RAG1: variants seen among roughly 807,000 people sequenced by gnomAD.
The protein encoded by RAG1 is V(D)J recombination-activating protein 1.
Under a neutral mutation model 62.7 loss-of-function variants are expected in RAG1, and 35 were observed. The ratio of observed to expected loss-of-function variants is 0.56; its 90% CI spans 0.43 to 0.74. The LOEUF is 0.74. RAG1 is among the 30% of genes least tolerant of loss of function. The pLI, the probability that RAG1 is intolerant of heterozygous loss-of-function variation, is 0.00. For missense variants in RAG1, 1,169 were observed against 1,278.6 expected, an observed-to-expected ratio of 0.91 and a Z score of 1.31; for synonymous variants, 461 against 470.3, an observed-to-expected ratio of 0.98 and a Z score of 0.26.
downstream of RAG1, among the ~76,000 whole-genome samples, chr11:36,536,884 G>T (rs1860337793): frequency 6.7e-6 from 1 of 149,392 alleles, no homozygotes; most frequent in Non-Finnish European, 1.5e-5. Flanking sequence ...TCAGCCTCCC[G>T]AGTAGCTGGG....
Position 36,574,334 on chromosome 11 carries a change from G to T in RAG1, c.1030G>T (p.Val344Leu), listed in dbSNP as rs1056909211. Residue 344 changes from valine to leucine, a missense_variant, in exon 2 of 2, where the codon GTG (valine) becomes TTG (leucine). Around this residue, in one of 2 missense-constraint regions of RAG1, gnomAD observed 800 missense variants for 943.3 expected, o/e 0.85. Transcript: ENST00000299440. The stretch of plus-strand genomic sequence containing the variant: ...CTTCCCTACTGACCTGGAGAGTCCA[G>T]TGAAGTCCTTTCTGAGCGTCTTGAA... ...PCFPTDLESP[V>L]KSFLSVLNSL... The T allele has an allele frequency of 6.2e-7, 1 of 1,614,114 alleles. No homozygotes were observed. Among genetic ancestry groups the T allele is most frequent in the Non-Finnish European group, 8.5e-7 (1 of 1,180,050 alleles).
rs1255413110 is a variant in RAG1 at position 36,549,778 on chromosome 11, G to A, written c.-411-13607G>A. On this transcript the variant is annotated intron_variant and NMD_transcript_variant, in intron 3 of 9. Coordinates refer to the RAG1 transcript ENST00000534663. ...CTCATTACTGAGTATATGCCCAAAGGATTTATAAATCATGCTACTGTAAAG... is the reference window on the plus strand; with the variant it reads ...CTCATTACTGAGTATATGCCCAAAGAATTTATAAATCATGCTACTGTAAAG... Among the ~76,000 whole-genome samples the A allele has an allele frequency of 3.3e-5, 5 of 152,082 alleles. No individual in the cohort carries two copies. The East Asian group carries it at 9.6e-4, about 29-fold the overall frequency.
At chr11:36,551,604 T>A (rs960807228) in intron 3 of RAG1, among the ~76,000 whole-genome samples, 18 of 103,828 alleles carry the variant, frequency 1.7e-4, no homozygotes, top group African/African-American at 6.3e-4. Flanking sequence ...ATTACTTCTT[T>A]TTTTTTTTTT....
In RAG1 at chr11:36,574,232, C is replaced by G; in HGVS notation, c.928C>G (p.His310Asp). ...TGACCCTGTGGAGACCAACTGTAAG[C>G]ATGTCTTTTGCCGGGTCTGCATTCT... ...LADPVETNCK[H>D]VFCRVCILRC... is the part of the protein sequence containing the mutation. Residue 310 changes from histidine to aspartate, a missense_variant, in exon 2 of 2, where the codon CAT becomes GAT. Coordinates refer to ENST00000299440, the MANE Select transcript of RAG1 (RefSeq NM_000448.3). The G allele has an allele frequency of 6.2e-7, 1 of 1,614,164 alleles. No homozygotes were observed. The highest frequency in any genetic ancestry group is 1.1e-5 in the South Asian group (1 of 91,068).
At chr11:36,541,624 C>CTAGGG (rs1370591338) in intron 3 of RAG1, among the ~76,000 whole-genome samples, 10 of 152,168 alleles carry the variant, frequency 6.6e-5, no homozygotes. Context: ...ACAGGAAATA[C>CTAGGG]TAGGCCCTTG....
Position 36,548,128 on chromosome 11 carries a change from A to G in RAG1, c.-412+12094A>G, listed in dbSNP as rs566902653. 7.9e-5 allele frequency among the ~76,000 whole-genome samples: 12 copies of G among 152,324 alleles called. No individual in the cohort carries two copies. The South Asian group carries it at 2.5e-3, about 32-fold the overall frequency. ...TAGGTATTGATGGAATGTATCTCAA[A>G]GTAATAAGAGCTATTTATGACAAAC... is the stretch of plus-strand genomic sequence containing the variant. On this transcript the variant is annotated intron_variant and NMD_transcript_variant, in intron 3 of 9. Transcript: ENST00000534663.
intron 1 of RAG1, among the ~76,000 whole-genome samples, chr11:36,569,087 G>A (rs922581553): frequency 6.6e-6 from 1 of 152,174 alleles, no homozygotes; most frequent in East Asian, 1.9e-4. Flanking sequence ...AAGTAACGGG[G>A]TGTATGTGTG....
chr11:36,518,013 G>A (rs1043541697), intron 1 of RAG1, among the ~76,000 whole-genome samples: 8 of 111,500 alleles, frequency 7.2e-5, no homozygotes, highest in East Asian at 2.7e-4. Context: ...AACAGTTCCC[G>A]GTGTGTGATG....
chr11:36,511,975 C>T (rs1237884692), intron 1 of RAG1, among the ~76,000 whole-genome samples: 2 of 152,184 alleles, frequency 1.3e-5, no homozygotes, highest in African/African-American at 4.8e-5. Context: ...GTGAGAGACT[C>T]CAGCACCAGG....
chr11:36,514,082 G>A (rs949550947), intron 1 of RAG1, among the ~76,000 whole-genome samples: 4 of 152,182 alleles, frequency 2.6e-5, no homozygotes, highest in African/African-American at 7.2e-5. Context: ...GGACACCCAA[G>A]TAGCCCTTTA....
upstream of RAG1, chr11:36,563,464 A>T (rs1022941473): frequency 6.6e-6 from 1 of 151,852 alleles, no homozygotes; most frequent in Non-Finnish European, 1.5e-5. Context: ...CAGCTTGAAG[A>T]CAGCAGATTG....
rs922541917 is a variant in RAG1 at position 36,575,508 on chromosome 11, C to T, written c.2204C>T (p.Ala735Val). ...GSVYICTLCD[A>V]TRLEASQNLV... is the part of the protein sequence containing the mutation. The stretch of plus-strand genomic sequence containing the variant: ...GTCTACATTTGTACTCTTTGTGATG[C>T]CACCCGTCTGGAAGCCTCTCAAAAT... The change falls in exon 2 of 2, where the codon GCC becomes GTC. Residue 735 changes from alanine (A) to valine (V), a missense_variant. Ala to Val is a moderately conservative substitution (Grantham distance 64). Around this residue, in one of 2 missense-constraint regions of RAG1, gnomAD observed 800 missense variants for 943.3 expected, o/e 0.85. Coordinates refer to ENST00000299440, the MANE Select transcript of RAG1 (RefSeq NM_000448.3). The surrounding 1 kb of genome is among the most constrained non-coding windows in gnomAD (Gnocchi z 4.1). 3.0e-5 allele frequency: 48 copies of T among 1,614,076 alleles called. No individual in the cohort carries two copies. Among genetic ancestry groups the T allele is most frequent in the East Asian group, 1.6e-4 (7 of 44,890 alleles).
chr11:36,573,693 A>G lies in RAG1; in HGVS notation c.389A>G (p.His130Arg), dbSNP rs1458428343. 3 of 1,614,150 alleles carry G rather than the reference A, an allele frequency of 1.9e-6. No individual in the cohort carries two copies. In the Admixed American group the frequency reaches 5.0e-5, roughly 27 times the overall value. ...ADEHNRRYPV[H>R]GPVDGKTLGL... ...GAGCACAACAGGAGATATCCAGTCCATGGTCCTGTGGATGGTAAAACCCTA... is the reference window on the plus strand; with the variant it reads ...GAGCACAACAGGAGATATCCAGTCCGTGGTCCTGTGGATGGTAAAACCCTA... Residue 130 changes from histidine to arginine, a missense_variant, in exon 2 of 2, where the codon CAT (histidine) becomes CGT (arginine). Around this residue, in one of 2 missense-constraint regions of RAG1, gnomAD observed 369 missense variants for 335.3 expected, o/e 1.10. Transcript: ENST00000299440.
rs1377547190 is a variant in RAG1 at position 36,573,327 on chromosome 11, C to T, written c.23C>T (p.Thr8Ile). The change falls in exon 2 of 2, where the codon ACC becomes ATC. Residue 8 changes from threonine to isoleucine, a missense_variant. Physicochemically the swap from Thr to Ile is moderately conservative, Grantham distance 89 (BLOSUM62 -1). Around this residue, in one of 2 missense-constraint regions of RAG1, gnomAD observed 369 missense variants for 335.3 expected, o/e 1.10. Transcript: ENST00000299440. MAASFPP[T>I]LGLSSAPDEI... is the part of the protein sequence containing the mutation. ...AGCATGGCAGCCTCTTTCCCACCCA[C>T]CTTGGGACTCAGTTCTGCCCCAGAT... 9.9e-6 allele frequency: 16 copies of T among 1,614,070 alleles called. No individual in the cohort carries two copies. The East Asian group carries it at 3.6e-4, about 36-fold the overall frequency.
chr11:36,542,727 G>A (rs535824862), intron 3 of RAG1, among the ~76,000 whole-genome samples: 8 of 152,290 alleles, frequency 5.3e-5, no homozygotes, highest in Admixed American at 6.5e-5. Context: ...TGAACTAGCC[G>A]TGCCACATGC....
chr11:36,562,363 A>G (rs1269908841), intron 3 of RAG1, among the ~76,000 whole-genome samples: 1 of 152,116 alleles, frequency 6.6e-6, no homozygotes, highest in Non-Finnish European at 1.5e-5. Context: ...AAATGTTTTA[A>G]CTCACTTAAT....
At chr11:36,529,475 G>C (rs889395162) in intron 2 of RAG1, among the ~76,000 whole-genome samples, 9 of 152,102 alleles carry the variant, frequency 5.9e-5, no homozygotes, top group Admixed American at 2.0e-4. Context: ...AATAAACTAG[G>C]TATTGATGGA....
intron 3 of RAG1, among the ~76,000 whole-genome samples, chr11:36,560,532 T>C (rs889432982): frequency 2.0e-5 from 3 of 152,126 alleles, no homozygotes; most frequent in African/African-American, 7.2e-5. Context: ...CAGAACAGAA[T>C]TCACTTTATT....
In RAG1 at chr11:36,558,866, C is replaced by G. The variant is rs184024096; in HGVS notation, c.-411-4519C>G. Among the ~76,000 whole-genome samples the G allele has an allele frequency of 3.9e-5, 6 of 152,192 alleles. No homozygotes were observed. The East Asian group carries it at 1.2e-3, about 29-fold the overall frequency. ...CGTTTCTTTATCTCTTACTGTTTAT[C>G]TTTGTGTGGTTTGCTTGGTGACAAA... On this transcript the variant is annotated intron_variant and NMD_transcript_variant, in intron 3 of 9. Coordinates refer to the RAG1 transcript ENST00000534663.
Sources: gnomAD v4.1 joint callset for allele counts (sites outside exome capture counted in the v4.1 genomes callset) on GRCh38, gnomAD v4.1.1 for gene constraint, gnomAD v4.1.1 regional missense constraint, Gnocchi (gnomAD v3.1) non-coding constraint, MANE v1.5 for transcripts, NCBI Gene and HGNC (gene_info 2026-07-23, HGNC 2026-07-21) for gene names.